The following SLC24A2 variants were observed in gnomAD, a reference collection of about 807,000 sequenced individuals.
SLC24A2 encodes the protein sodium/potassium/calcium exchanger 2.
Under a neutral mutation model 62.0 loss-of-function variants are expected in SLC24A2, and 36 were observed. The observed-to-expected ratio is 0.58, with a 90% confidence interval of 0.44 to 0.77. The LOEUF (loss-of-function observed/expected upper bound fraction) is 0.77, where lower values mean the gene tolerates loss of function less well. SLC24A2 is among the 30% of genes least tolerant of loss of function. SLC24A2 has a pLI of 0.00. For synonymous variants in SLC24A2, 358 were observed against 294.0 expected, an observed-to-expected ratio of 1.22 and a Z score of -2.23; for missense variants, 846 against 817.9, an observed-to-expected ratio of 1.03 and a Z score of -0.42.
At chr9:20,204,147 T>C in the SLC24A2 span, among the ~76,000 whole-genome samples, 1 of 152,238 alleles carries the variant, frequency 6.6e-6, no homozygotes, top group Non-Finnish European at 1.5e-5. Context: ...TTTTGAACTA[T>C]AAATGGGTAA....
chr9:19,831,130 A>G, the SLC24A2 span, among the ~76,000 whole-genome samples: 1 of 152,246 alleles, frequency 6.6e-6, no homozygotes, highest in African/African-American at 2.4e-5. Context: ...TGACTTAATC[A>G]TCTCCCAGAG....
chr9:19,740,978 G>A (rs1214665207), intron 2 of SLC24A2, among the ~76,000 whole-genome samples: 1 of 152,010 alleles, frequency 6.6e-6, no homozygotes, highest in East Asian at 1.9e-4. Flanking sequence ...AGTTTTATTG[G>A]CTTTATCTGA....
At chr9:19,779,353 T>G (rs1376836885) in intron 2 of SLC24A2, among the ~76,000 whole-genome samples, 2 of 152,084 alleles carry the variant, frequency 1.3e-5, no homozygotes, top group Non-Finnish European at 2.9e-5. Context: ...ACCTTAAAAG[T>G]AGTAAAGGAA....
the SLC24A2 span, among the ~76,000 whole-genome samples, chr9:20,043,938 T>C: frequency 4.2e-3 from 647 of 152,280 alleles, 6 homozygotes; most frequent in Non-Finnish European, 5.8e-3. Context: ...AAAAAATCTT[T>C]CATAAAAGGA....
chr9:19,677,557 G>A (rs1402080724), intron 2 of SLC24A2, among the ~76,000 whole-genome samples: 2 of 152,174 alleles, frequency 1.3e-5, no homozygotes, highest in South Asian at 2.1e-4. Context: ...TATAACAAAC[G>A]TGCATGTGTA....
intron 2 of SLC24A2, among the ~76,000 whole-genome samples, chr9:19,785,465 T>TGGAAG (rs1823134838): frequency 1.3e-5 from 2 of 152,346 alleles, no homozygotes; most frequent in South Asian, 4.1e-4. Context: ...GGCTGCTGAC[T>TGGAAG]GGAAGGTACA....
chr9:20,040,560 G>A, the SLC24A2 span, among the ~76,000 whole-genome samples: 1 of 152,208 alleles, frequency 6.6e-6, no homozygotes, highest in Non-Finnish European at 1.5e-5. Context: ...AGGCAAAAAT[G>A]CCTTCAAGGG....
chr9:20,240,840 C>G, the SLC24A2 span, among the ~76,000 whole-genome samples: 1 of 152,154 alleles, frequency 6.6e-6, no homozygotes, highest in South Asian at 2.1e-4. Context: ...GACCATAATA[C>G]TTTCACCAGC....
At chr9:19,868,489 G>C in the SLC24A2 span, among the ~76,000 whole-genome samples, 2 of 152,178 alleles carry the variant, frequency 1.3e-5, no homozygotes, top group African/African-American at 2.4e-5. Flanking sequence ...ATAAATGTTA[G>C]TTAGGTCAAT....
the SLC24A2 span, among the ~76,000 whole-genome samples, chr9:19,977,430 T>G: frequency 6.6e-6 from 1 of 151,900 alleles, no homozygotes; most frequent in Non-Finnish European, 1.5e-5. Flanking sequence ...AGTGGGGTCT[T>G]GAGATAGCTG....
At chr9:19,954,733 G>A in the SLC24A2 span, among the ~76,000 whole-genome samples, 1 of 152,034 alleles carries the variant, frequency 6.6e-6, no homozygotes, top group South Asian at 2.1e-4. Flanking sequence ...TAACTCTGAG[G>A]AACATCTTTC....
At chr9:19,543,018 C>T (rs890144956) in intron 8 of SLC24A2, among the ~76,000 whole-genome samples, 2 of 152,156 alleles carry the variant, frequency 1.3e-5, no homozygotes, top group African/African-American at 4.8e-5. Context: ...ATGGTACCAG[C>T]TCCTCTTTGT....
intron 2 of SLC24A2, among the ~76,000 whole-genome samples, chr9:19,749,650 C>G (rs561574609): frequency 3.3e-5 from 5 of 152,150 alleles, no homozygotes; most frequent in African/African-American, 1.2e-4. Flanking sequence ...ATTTGCATTG[C>G]AGATAAACAA....
At chr9:19,961,550 C>G in the SLC24A2 span, among the ~76,000 whole-genome samples, 2 of 152,322 alleles carry the variant, frequency 1.3e-5, no homozygotes, top group African/African-American at 4.8e-5. Context: ...GCCCCACACT[C>G]CCTAAAGCCT....
chr9:19,636,387 C>CTTTCTTTCTT (rs1564010053), intron 2 of SLC24A2, among the ~76,000 whole-genome samples: 11 of 22,340 alleles, frequency 4.9e-4, no homozygotes, highest in African/African-American at 1.7e-3. Context: ...TTCTTTCTTT[C>CTTTCTTTCTT]TCCCTCTCTC....
chr9:19,620,402 G>A (rs891913109), intron 3 of SLC24A2, among the ~76,000 whole-genome samples: 2 of 152,158 alleles, frequency 1.3e-5, no homozygotes, highest in Admixed American at 6.6e-5. Context: ...AAGCAGCATA[G>A]CTTGTGTTAA....
chr9:19,908,336 T>G, the SLC24A2 span, among the ~76,000 whole-genome samples: 2 of 151,982 alleles, frequency 1.3e-5, no homozygotes, highest in Non-Finnish European at 2.9e-5. Context: ...AAATTAATTC[T>G]AGATGGATTA....
chr9:19,752,945 C>G (rs1387563571), intron 2 of SLC24A2, among the ~76,000 whole-genome samples: 1 of 152,176 alleles, frequency 6.6e-6, no homozygotes, highest in Non-Finnish European at 1.5e-5. Context: ...TCAAAATTCT[C>G]TATATGGATT....
chr9:20,127,933 A>AT, the SLC24A2 span, among the ~76,000 whole-genome samples: 13 of 151,616 alleles, frequency 8.6e-5, no homozygotes, highest in East Asian at 1.9e-4. Context: ...AAAATGAAGA[A>AT]TTTTTTTTTA....
Sources: allele counts gnomAD v4.1 joint callset (sites outside exome capture counted in the v4.1 genomes callset), GRCh38; gene constraint gnomAD v4.1.1; transcripts MANE v1.5; gene names NCBI Gene and HGNC (gene_info 2026-07-23, HGNC 2026-07-21).